The following CTIF variants were observed in gnomAD, a reference collection of about 807,000 sequenced individuals.
The protein encoded by CTIF is cap binding complex dependent translation initiation factor, also known as CBP80/20-dependent translation initiation factor.
A neutral mutation model predicts 66.0 loss-of-function variants in CTIF; 21 were observed. That is an observed-to-expected ratio of 0.32 (90% CI 0.23 to 0.46). CTIF has a LOEUF of 0.46. CTIF is among the 20% of genes least tolerant of loss of function. The probability of loss-of-function intolerance (pLI) is 1.00; values close to 1 mark genes in which losing one functional copy is unlikely to be tolerated. For synonymous variants in CTIF, 345 were observed against 326.4 expected (o/e 1.06, Z -0.62); for missense variants, 739 against 812.7 (o/e 0.91, Z 1.10).
At chr18:48,575,969 C>T (rs1187938402) in intron 1 of CTIF, among the ~76,000 whole-genome samples, 1 of 152,214 alleles carries the variant, frequency 6.6e-6, no homozygotes, top group Non-Finnish European at 1.5e-5. Flanking sequence ...TTTGTGGAGA[C>T]CCACACATGC....
intron 1 of CTIF, among the ~76,000 whole-genome samples, chr18:48,587,388 T>A (rs1233999737): frequency 6.6e-6 from 1 of 151,722 alleles, no homozygotes; most frequent in African/African-American, 2.4e-5. Context: ...CTGCCACTTT[T>A]AAAAATAATA....
At chr18:48,835,150 C>T (rs1161322200) in intron 10 of CTIF, among the ~76,000 whole-genome samples, 1 of 152,258 alleles carries the variant, frequency 6.6e-6, no homozygotes, top group Non-Finnish European at 1.5e-5. Flanking sequence ...AAAACAGCCC[C>T]TGCCTCTGCG....
chr18:48,725,365 G>A (rs1262017243), intron 7 of CTIF, among the ~76,000 whole-genome samples: 1 of 152,138 alleles, frequency 6.6e-6, no homozygotes, highest in Non-Finnish European at 1.5e-5. Flanking sequence ...GCACACAAAG[G>A]CCAATTCCCT....
intron 2 of CTIF, among the ~76,000 whole-genome samples, chr18:48,632,673 A>G (rs1568089106): frequency 6.6e-6 from 1 of 152,064 alleles, no homozygotes; most frequent in Non-Finnish European, 1.5e-5. Context: ...GCCACGTTCT[A>G]CTGAGCCTGT....
intron 10 of CTIF, among the ~76,000 whole-genome samples, chr18:48,833,573 A>T (rs1185219544): frequency 2.0e-5 from 3 of 152,100 alleles, no homozygotes; most frequent in Non-Finnish European, 4.4e-5. Context: ...CCTAGGTAGG[A>T]AGATGTAGGT....
intron 9 of CTIF, among the ~76,000 whole-genome samples, chr18:48,786,103 C>A: frequency 6.6e-6 from 1 of 152,146 alleles, no homozygotes; most frequent in East Asian, 1.9e-4. Context: ...CCTGTACAGA[C>A]CCCGCACAGC....
intron 1 of CTIF, among the ~76,000 whole-genome samples, chr18:48,540,823 C>T (rs923543955): frequency 1.1e-4 from 17 of 152,052 alleles, no homozygotes; most frequent in African/African-American, 4.1e-4. Context: ...CCCTCCTTGT[C>T]TAAGTCGGGG....
chr18:48,665,457 G>A (rs968204348), intron 5 of CTIF, among the ~76,000 whole-genome samples: 5 of 152,160 alleles, frequency 3.3e-5, no homozygotes, highest in South Asian at 2.1e-4. Flanking sequence ...TTCTTTTATA[G>A]TTTTATATAA....
intron 9 of CTIF, among the ~76,000 whole-genome samples, chr18:48,814,015 C>G (rs532413648): frequency 5.3e-5 from 8 of 152,158 alleles, no homozygotes; most frequent in South Asian, 4.1e-4. Context: ...CAAGCTACCC[C>G]CTGTCTTTGG....
chr18:48,706,200 T>A (rs951387210), intron 6 of CTIF, among the ~76,000 whole-genome samples: 1 of 152,224 alleles, frequency 6.6e-6, no homozygotes, highest in Non-Finnish European at 1.5e-5. Flanking sequence ...CTTTATCATA[T>A]GATATACTTT....
rs369193625 is a variant in CTIF at position 48,704,804 on chromosome 18, G to C, written c.508-6815G>C. 2.0e-5 allele frequency among the ~76,000 whole-genome samples: 3 copies of C among 152,206 alleles called. No individual in the cohort carries two copies. In the East Asian group the frequency reaches 5.8e-4, roughly 29 times the overall value. On this transcript the variant is annotated intron_variant, in intron 6 of 11. Coordinates refer to ENST00000256413, the MANE Select transcript of CTIF (RefSeq NM_014772.3). ...CCAATCAGGCCATTCAGAGGAACCAGGGGTTAAGACTTCAGCGTAAGAATT... is the reference window on the plus strand; with the variant it reads ...CCAATCAGGCCATTCAGAGGAACCACGGGTTAAGACTTCAGCGTAAGAATT...
At chr18:48,562,526 GC>G (rs1283435675) in intron 1 of CTIF, among the ~76,000 whole-genome samples, 2 of 152,184 alleles carry the variant, frequency 1.3e-5, no homozygotes, top group Admixed American at 6.5e-5. Flanking sequence ...TCTTTCTGCA[GC>G]CCCCCGGGAT....
chr18:48,844,464 G>C (rs1599152364), intron 10 of CTIF, among the ~76,000 whole-genome samples: 1 of 152,380 alleles, frequency 6.6e-6, no homozygotes, highest in East Asian at 1.9e-4. Context: ...GCTGTGGGAT[G>C]AAGCATCCCC....
chr18:48,627,096 A>G (rs1036911489), intron 2 of CTIF, among the ~76,000 whole-genome samples: 15 of 152,256 alleles, frequency 9.9e-5, no homozygotes, highest in African/African-American at 3.4e-4. Context: ...CATCTTTTAC[A>G]AAGTTGTACT....
chr18:48,608,139 G>A (rs185490459), intron 1 of CTIF, among the ~76,000 whole-genome samples: 78 of 152,170 alleles, frequency 5.1e-4, no homozygotes, highest in Middle Eastern at 6.8e-3. Context: ...AGGTGAGAGT[G>A]AGGCTGTGAG....
At chr18:48,541,389 C>T (rs893743404) in intron 1 of CTIF, among the ~76,000 whole-genome samples, 4 of 152,200 alleles carry the variant, frequency 2.6e-5, no homozygotes, top group Non-Finnish European at 4.4e-5. Context: ...AGAGCGCCGC[C>T]GCTGCTGGAG....
intron 1 of CTIF, among the ~76,000 whole-genome samples, chr18:48,617,294 T>C (rs1242341790): frequency 6.6e-6 from 1 of 152,228 alleles, no homozygotes; most frequent in Non-Finnish European, 1.5e-5. Context: ...CTTCTTCTGC[T>C]GTGCTGAGCT....
chr18:48,691,748 C>T (rs1448296217), intron 6 of CTIF, among the ~76,000 whole-genome samples: 1 of 152,170 alleles, frequency 6.6e-6, no homozygotes, highest in African/African-American at 2.4e-5. Flanking sequence ...CAAGTGGTGA[C>T]ACCAGCTCTC....
At chr18:48,627,237 G>C (rs573699774) in intron 2 of CTIF, among the ~76,000 whole-genome samples, 17 of 152,264 alleles carry the variant, frequency 1.1e-4, no homozygotes, top group African/African-American at 4.1e-4. Context: ...AAATATAATA[G>C]AATGAAAGCT....
Sources: allele counts gnomAD v4.1 joint callset (sites outside exome capture counted in the v4.1 genomes callset), GRCh38; gene constraint gnomAD v4.1.1; transcripts MANE v1.5; gene names NCBI Gene and HGNC (gene_info 2026-07-23, HGNC 2026-07-21).